The following ASGR2 variants were observed in gnomAD, a reference collection of about 807,000 sequenced individuals.
ASGR2 encodes asialoglycoprotein receptor 2, also known as C-type lectin domain family 4 member H2.
A neutral mutation model predicts 32.3 loss-of-function variants in ASGR2; 34 were observed. That is an observed-to-expected ratio of 1.05 (90% confidence interval 0.80 to 1.40). The LOEUF (loss-of-function observed/expected upper bound fraction) is 1.40, where lower values mean the gene tolerates loss of function less well. Among genes scored for constraint, ASGR2 ranks in the 40% most tolerant of loss-of-function variants. ASGR2 has a pLI of 0.00. For missense variants in ASGR2, 385 were observed against 386.4 expected, an observed-to-expected ratio of 1.00 and a Z score of 0.03; for synonymous variants, 143 against 150.0, an observed-to-expected ratio of 0.95 and a Z score of 0.34.
chr17:7,108,685 C>G lies in ASGR2; in HGVS notation c.241+87G>C. 1.2e-6 allele frequency: 2 copies of G among 1,608,838 alleles called. No individual in the cohort carries two copies. The highest frequency in any genetic ancestry group is 1.7e-6 in the Non-Finnish European group (2 of 1,176,622). ...GCTCCACCCCGCCTCCATCCCTTCC[C>G]CTCCCATCGCCCCGATCGCTGCCCG... On this transcript the variant is annotated intron_variant, in intron 3 of 8. Coordinates refer to ENST00000691900, the MANE Select transcript of ASGR2 (RefSeq NM_001201352.2). This position sits in a 1 kb window ranked among gnomAD's most constrained non-coding sequence, Gnocchi z 4.9.
In ASGR2 at chr17:7,107,558, C is replaced by T; in HGVS notation, c.410-241G>A. 1 of 619,810 alleles carries T rather than the reference C, an allele frequency of 1.6e-6. No homozygotes were observed. The allele number at this position is 619,810 out of a possible 1,614,324, so 38.4% of individuals were successfully genotyped here. A position where few individuals can be genotyped will look rare whatever the true frequency, so the allele number is the denominator to read the frequency against. ...ACCACACACATCACATGCGTACACACACATATACCATACCGCACACACACA... is the reference window on the plus strand; with the variant it reads ...ACCACACACATCACATGCGTACACATACATATACCATACCGCACACACACA... On this transcript the variant is annotated intron_variant, in intron 5 of 8. Transcript: ENST00000691900. The surrounding 1 kb of genome is among the most constrained non-coding windows in gnomAD (Gnocchi z 5.0).
chr17:7,106,584 T>C (rs529965125), intron 7 of ASGR2, among the ~76,000 whole-genome samples: 1 of 152,330 alleles, frequency 6.6e-6, no homozygotes, highest in Non-Finnish European at 1.5e-5. Context: ...CTGTATCATA[T>C]GGCTTAACTA....
chr17:7,114,985 G>A (rs1915290671), upstream of ASGR2: 1 of 985,624 alleles, frequency 1.0e-6, no homozygotes. The surrounding 1 kb of genome is among the most constrained non-coding windows in gnomAD (Gnocchi z 4.5). Flanking sequence ...GCCAGGCCAG[G>A]AGGGGCTGGG....
rs1326157963 is a variant in ASGR2, at chr17:7,103,568, C to A, written c.649-1372G>T. On this transcript the variant is annotated intron_variant, in intron 7 of 8. Transcript: ENST00000691900. Reference sequence around the variant, plus strand: ...TCAGAGAAGACAGTCCGGGAGAATTCATTCCCCCTTTCCTGGGTGAACCAT... The same window carrying A: ...TCAGAGAAGACAGTCCGGGAGAATTAATTCCCCCTTTCCTGGGTGAACCAT... Among the ~76,000 whole-genome samples the A allele has an allele frequency of 2.6e-5, 4 of 152,214 alleles. No individual in the cohort carries two copies. In the East Asian group the frequency reaches 7.7e-4, roughly 29 times the overall value.
rs764054569 is a variant in ASGR2 at position 7,114,250 on chromosome 17, C to G, written c.-10G>C. 13 of 1,610,452 alleles carry G rather than the reference C, an allele frequency of 8.1e-6. No homozygotes were observed. Among genetic ancestry groups the G allele is most frequent in the Non-Finnish European group, 6.8e-6 (8 of 1,178,004 alleles). Reference sequence around the variant, plus strand: ...GAAAGTCCTTGGCCATGATGGGGCCCGGGCTGGAGCTGGAGCTGGAGCTGG... The same window carrying G: ...GAAAGTCCTTGGCCATGATGGGGCCGGGGCTGGAGCTGGAGCTGGAGCTGG... On this transcript the variant is annotated 5_prime_UTR_variant, in exon 2 of 9. Transcript: ENST00000691900. This position sits in a 1 kb window ranked among gnomAD's most constrained non-coding sequence, Gnocchi z 4.5.
rs1264077525 is a variant in ASGR2, at chr17:7,107,969, G to A, written c.338-62C>T. 28 of 1,593,664 alleles carry A rather than the reference G, an allele frequency of 1.8e-5. No homozygotes were observed. The highest frequency in any genetic ancestry group is 1.7e-5 in the Non-Finnish European group (20 of 1,167,480). The stretch of plus-strand genomic sequence containing the variant: ...TCCCTCCGTCCTCATGCTGCTGGGG[G>A]ACCGGGGGCCAGCGCCTCGTCCTGG... On this transcript the variant is annotated intron_variant, in intron 4 of 8. Transcript: ENST00000691900. This position sits in a 1 kb window ranked among gnomAD's most constrained non-coding sequence, Gnocchi z 5.0.
chr17:7,106,226 A>G (rs1913666939), intron 7 of ASGR2, among the ~76,000 whole-genome samples: 2 of 152,240 alleles, frequency 1.3e-5, no homozygotes. Context: ...AAGGATGGAC[A>G]GAGATACAGC....
At position 7,113,303 on chromosome 17, in the gene ASGR2, CACAT is replaced by C. The variant is rs910736428; in HGVS notation, c.124+810_124+813del. Among the ~76,000 whole-genome samples, 59 of 123,780 alleles carry C rather than the reference CACAT, an allele frequency of 4.8e-4. No homozygotes were observed. The highest frequency in any genetic ancestry group is 6.7e-4 in the African/African-American group (21 of 31,412). 81.2% of individuals were successfully genotyped at this position (123,780 alleles called of 152,430 possible). A position where few individuals can be genotyped will look rare whatever the true frequency, so the allele number is the denominator to read the frequency against. ...CCACCTCTACACACACACACACACA[CACAT>C]ACAATCACATACACACACTAACACA... On this transcript the variant is annotated intron_variant, in intron 2 of 8. Transcript: ENST00000691900. This position sits in a 1 kb window ranked among gnomAD's most constrained non-coding sequence, Gnocchi z 5.1.
chr17:7,113,973 G>A lies in ASGR2; in HGVS notation c.124+144C>T. On this transcript the variant is annotated intron_variant, in intron 2 of 8. Coordinates refer to ENST00000691900, the MANE Select transcript of ASGR2 (RefSeq NM_001201352.2). The surrounding 1 kb of genome is among the most constrained non-coding windows in gnomAD (Gnocchi z 5.1). ...TTTCCTGGGGTCCTGGGGTAGACAGGAAGGTGAGGTGAGGGAACAAGCGGG... is the reference window on the plus strand; with the variant it reads ...TTTCCTGGGGTCCTGGGGTAGACAGAAAGGTGAGGTGAGGGAACAAGCGGG... 7.8e-7 allele frequency: 1 copy of A among 1,278,148 alleles called. No individual in the cohort carries two copies. Among genetic ancestry groups the A allele is most frequent in the Non-Finnish European group, 1.1e-6 (1 of 934,784 alleles). 79.2% of individuals were successfully genotyped at this position (1,278,148 alleles called of 1,614,324 possible). A position where few individuals can be genotyped will look rare whatever the true frequency, so the allele number is the denominator to read the frequency against.
At chr17:7,111,642 C>G (rs920473162) in intron 2 of ASGR2, among the ~76,000 whole-genome samples, 1 of 144,146 alleles carries the variant, frequency 6.9e-6, no homozygotes, top group African/African-American at 2.6e-5. Flanking sequence ...GGCAACAGAG[C>G]GAGACTCCGC....
In ASGR2 at chr17:7,107,347, G is replaced by A. The variant is rs751952706; in HGVS notation, c.410-30C>T. 1.2e-6 allele frequency: 2 copies of A among 1,605,778 alleles called. No homozygotes were observed. The highest frequency in any genetic ancestry group is 1.3e-5 in the African/African-American group (1 of 74,840). On this transcript the variant is annotated intron_variant, in intron 5 of 8. Coordinates refer to ENST00000691900, the MANE Select transcript of ASGR2 (RefSeq NM_001201352.2). This position sits in a 1 kb window ranked among gnomAD's most constrained non-coding sequence, Gnocchi z 5.0. Reference sequence around the variant, plus strand: ...GACAGACAGGCTGAAAGTGCTGCCGGCAGGTGTGGTCCCCACCTGCTAGGC... The same window carrying A: ...GACAGACAGGCTGAAAGTGCTGCCGACAGGTGTGGTCCCCACCTGCTAGGC...
intron 8 of ASGR2, 107 bp from the exon 9 acceptor site, chr17:7,101,847 G>T: frequency 7.0e-7 from 1 of 1,434,928 alleles, no homozygotes; most frequent in Non-Finnish European, 9.4e-7. Context: ...GAGTGGAGCT[G>T]GGGTGTGCCC....
rs778635602 is a variant in ASGR2, at chr17:7,101,747, A to C, written c.756-7T>G. 9.9e-6 allele frequency: 16 copies of C among 1,611,908 alleles called. No individual in the cohort carries two copies. Among genetic ancestry groups the C allele is most frequent in the Non-Finnish European group, 1.2e-5 (14 of 1,178,640 alleles). On this transcript the variant is annotated splice_region_variant and splice_polypyrimidine_tract_variant and intron_variant, in intron 8 of 8. Coordinates refer to ENST00000691900, the MANE Select transcript of ASGR2 (RefSeq NM_001201352.2). ...CTGAGTGACAGCCCAGTTCCTAAGG[A>C]GGCAAGAGAAAACTCGGACTCTGCC...
chr17:7,108,988 GATTGGTT>G lies in ASGR2; in HGVS notation c.125-107_125-101del. The G allele has an allele frequency of 1.4e-6, 1 of 740,534 alleles. No homozygotes were observed. Among genetic ancestry groups the G allele is most frequent in the Non-Finnish European group, 2.0e-6 (1 of 490,264 alleles). The allele number at this position is 740,534 out of a possible 1,614,324, so 45.9% of individuals were successfully genotyped here. A position where few individuals can be genotyped will look rare whatever the true frequency, so the allele number is the denominator to read the frequency against. ...TGAGGAGGCATAACCTGGGCGGGGGGATTGGTTGGGGCCATGGGGGGGGGTCATCATA... is the reference window on the plus strand; with the variant it reads ...TGAGGAGGCATAACCTGGGCGGGGGGGGGGCCATGGGGGGGGGTCATCATA... On this transcript the variant is annotated intron_variant, in intron 2 of 8. Transcript: ENST00000691900. The surrounding 1 kb of genome is among the most constrained non-coding windows in gnomAD (Gnocchi z 4.9).
chr17:7,101,537 C>G lies in ASGR2; in HGVS notation c.*38G>C. The stretch of plus-strand genomic sequence containing the variant: ...CCTCAACAGAGAAGCCAGAGCTGGG[C>G]AGGTGTGGGGTATGGGTTAGCCAGA... On this transcript the variant is annotated 3_prime_UTR_variant, in exon 9 of 9. Transcript: ENST00000691900. 6.3e-7 allele frequency: 1 copy of G among 1,595,608 alleles called. No individual in the cohort carries two copies. Among genetic ancestry groups the G allele is most frequent in the Non-Finnish European group, 8.6e-7 (1 of 1,168,230 alleles).
rs558243279 is a variant in ASGR2 at position 7,114,488 on chromosome 17, G to A, written c.-71+127C>T. ...GACCGCTTGGGCCTTGACCTGGCCAGGAGACCCCTCCCCACGCTCATGGAC... is the reference window on the plus strand; with the variant it reads ...GACCGCTTGGGCCTTGACCTGGCCAAGAGACCCCTCCCCACGCTCATGGAC... On this transcript the variant is annotated intron_variant, in intron 1 of 8. Coordinates refer to ENST00000691900, the MANE Select transcript of ASGR2 (RefSeq NM_001201352.2). The surrounding 1 kb of genome is among the most constrained non-coding windows in gnomAD (Gnocchi z 4.5). 3 of 1,329,570 alleles carry A rather than the reference G, an allele frequency of 2.3e-6. No individual in the cohort carries two copies. The highest frequency in any genetic ancestry group is 1.5e-5 in the African/African-American group (1 of 67,468). The allele number at this position is 1,329,570 out of a possible 1,614,324, so 82.4% of individuals were successfully genotyped here.
rs1914111843 is a variant in ASGR2, at chr17:7,108,181, C to A, written c.338-274G>T. On this transcript the variant is annotated intron_variant, in intron 4 of 8. Coordinates refer to ENST00000691900, the MANE Select transcript of ASGR2 (RefSeq NM_001201352.2). This position sits in a 1 kb window ranked among gnomAD's most constrained non-coding sequence, Gnocchi z 4.9. ...CCCTCCCCACCTCTCTCTGGCCACC[C>A]CTTACCTGCCTGCCCCTCCGATGGG... Among the ~76,000 whole-genome samples the A allele has an allele frequency of 1.3e-5, 2 of 152,216 alleles. No homozygotes were observed. Among genetic ancestry groups the A allele is most frequent in the Admixed American group, 1.3e-4 (2 of 15,288 alleles).
rs55800489 is a variant in ASGR2 at position 7,105,791 on chromosome 17, AT to A, written c.648+1208del. On this transcript the variant is annotated intron_variant, in intron 7 of 8. Coordinates refer to ENST00000691900, the MANE Select transcript of ASGR2 (RefSeq NM_001201352.2). ...GAAGCCAAGATTAATTTAAATTAGC[AT>A]TTTTTTTTTTTTTTGAGTCAGAGTC... is the stretch of plus-strand genomic sequence containing the variant. 5.9e-3 allele frequency among the ~76,000 whole-genome samples: 868 copies of A among 146,230 alleles called. 6 individuals are homozygous for A. Among genetic ancestry groups the A allele is most frequent in the East Asian group, 0.023 (113 of 4,970 alleles).
intron 2 of ASGR2, among the ~76,000 whole-genome samples, chr17:7,110,629 C>T (rs1231741689): frequency 1.3e-5 from 2 of 152,202 alleles, no homozygotes; most frequent in Non-Finnish European, 2.9e-5. Context: ...AGATCACAGT[C>T]GTAGCTACCC....
Sources: allele counts gnomAD v4.1 joint callset (sites outside exome capture counted in the v4.1 genomes callset), GRCh38; gene constraint gnomAD v4.1.1; non-coding constraint Gnocchi (gnomAD v3.1); transcripts MANE v1.5; gene names NCBI Gene and HGNC (gene_info 2026-07-23, HGNC 2026-07-21).